The following GLG1 variants were observed in gnomAD, a reference collection of about 807,000 sequenced individuals.
The protein encoded by GLG1 is Golgi apparatus protein 1.
GLG1 carries 38 observed loss-of-function variants against 160.5 expected under a neutral mutation model. The observed-to-expected ratio is 0.24, with a 90% CI of 0.18 to 0.31. GLG1 has a LOEUF of 0.31. Ranked by LOEUF, GLG1 falls within the 10% of genes least tolerant of loss-of-function variation. The probability of loss-of-function intolerance (pLI) is 1.00; values close to 1 mark genes in which losing one functional copy is unlikely to be tolerated. For missense variants in GLG1, 1,373 were observed against 1,505.2 expected (o/e 0.91, Z 1.45); for synonymous variants, 644 against 543.4 (o/e 1.19, Z -2.57).
chr16:74,461,461 C>A (rs1294773761), intron 22 of GLG1: 2 of 141,412 alleles, frequency 1.4e-5, no homozygotes, highest in African/African-American at 5.3e-5. Flanking sequence ...ACCACCTCGC[C>A]CGGGCTTTTT....
At chr16:74,530,759 C>T (rs891236688) in intron 2 of GLG1, among the ~76,000 whole-genome samples, 8 of 151,982 alleles carry the variant, frequency 5.3e-5, no homozygotes, top group African/African-American at 1.9e-4. Flanking sequence ...GCCTCAGCCT[C>T]CCGAGTAGTT....
In GLG1 at chr16:74,493,839, T is replaced by G. The variant is rs535690043; in HGVS notation, c.1051-699A>C. Among the ~76,000 whole-genome samples the G allele has an allele frequency of 2.0e-5, 3 of 152,284 alleles. No individual in the cohort carries two copies. The South Asian group carries it at 6.2e-4, about 32-fold the overall frequency. On this transcript the variant is annotated intron_variant, in intron 6 of 25. Coordinates refer to ENST00000422840, the MANE Select transcript of GLG1 (RefSeq NM_001145667.2). ...CTTGAGGAGGCAGGGCTGGCCTTAGTGTGGTTTTATATAAAATTCTCTGAT... is the reference window on the plus strand; with the variant it reads ...CTTGAGGAGGCAGGGCTGGCCTTAGGGTGGTTTTATATAAAATTCTCTGAT...
chr16:74,529,818 T>G (rs2432592), intron 2 of GLG1, among the ~76,000 whole-genome samples: 1 of 136,350 alleles, frequency 7.3e-6, no homozygotes, highest in African/African-American at 2.8e-5. Flanking sequence ...AGTTCTTTTT[T>G]TTTTTTTTTT....
chr16:74,488,196 A>G (rs1210040746), intron 8 of GLG1, among the ~76,000 whole-genome samples: 2 of 152,096 alleles, frequency 1.3e-5, no homozygotes, highest in African/African-American at 4.8e-5. Context: ...CTAATGGTCA[A>G]CCACAGACAG....
intron 24 of GLG1, 24 bp from the exon 25 acceptor site, chr16:74,456,779 G>T (rs771337758): frequency 1.0e-5 from 14 of 1,334,240 alleles, no homozygotes; most frequent in East Asian, 2.3e-5. Flanking sequence ...TGAATAATAA[G>T]AAGAACCTGA....
intron 12 of GLG1, among the ~76,000 whole-genome samples, chr16:74,476,493 T>C (rs917443427): frequency 6.6e-6 from 1 of 152,188 alleles, no homozygotes; most frequent in Non-Finnish European, 1.5e-5. Context: ...ACGTGTGACT[T>C]TTTCATACTG....
rs763304867 is a variant in GLG1, at chr16:74,508,862, C to A, written c.535G>T (p.Val179Phe). The A allele has an allele frequency of 6.6e-7, 1 of 1,521,506 alleles. No homozygotes were observed. Among genetic ancestry groups the A allele is most frequent in the South Asian group, 1.1e-5 (1 of 89,212 alleles). 94.3% of individuals were successfully genotyped at this position (1,521,506 alleles called of 1,614,324 possible). ...ACCTCTGTTATAGTAGATTTGCAAA[C>A]CTCTCTGGCCACAGATTCAAATTTG... ...DPKFESVAREVCKSTITEIKE... is the reference protein window; with the variant it reads ...DPKFESVAREFCKSTITEIKE... Residue 179 changes from valine (V) to phenylalanine (F), a missense_variant, in exon 3 of 26, where the codon GTT becomes TTT. Val to Phe is a conservative substitution (Grantham distance 50, BLOSUM62 -1). Around this residue, in one of 4 missense-constraint regions of GLG1, gnomAD observed 322 missense variants for 254.6 expected, o/e 1.26. Transcript: ENST00000422840.
At chr16:74,542,681 AAGGG>A (rs2017908632) in intron 1 of GLG1, among the ~76,000 whole-genome samples, 1 of 114,602 alleles carries the variant, frequency 8.7e-6, no homozygotes, top group Non-Finnish European at 1.7e-5. Flanking sequence ...AAAAAAAAAA[AAGGG>A]AAGGGAAGGA....
intron 1 of GLG1, among the ~76,000 whole-genome samples, chr16:74,553,522 G>A (rs2018267327): frequency 6.8e-6 from 1 of 146,642 alleles, no homozygotes; most frequent in African/African-American, 2.5e-5. Context: ...GCCCAGGCTG[G>A]AGTGCAGTGG....
chr16:74,457,639 A>G (rs1010317434), intron 24 of GLG1, among the ~76,000 whole-genome samples: 22 of 152,138 alleles, frequency 1.4e-4, no homozygotes, highest in Non-Finnish European at 2.4e-4. Flanking sequence ...CTGTTCATCA[A>G]ATCTTTAGCT....
At chr16:74,533,420 A>T (rs2911472) in intron 1 of GLG1, among the ~76,000 whole-genome samples, 1 of 152,150 alleles carries the variant, frequency 6.6e-6, no homozygotes, top group Non-Finnish European at 1.5e-5. Flanking sequence ...GCAATACATA[A>T]CTCCTTTAGT....
At chr16:74,527,994 C>G (rs1261909045) in intron 2 of GLG1, among the ~76,000 whole-genome samples, 1 of 150,804 alleles carries the variant, frequency 6.6e-6, no homozygotes, top group Non-Finnish European at 1.5e-5. Context: ...ACACCATTCT[C>G]CTGCCTCAGC....
At chr16:74,469,870 G>A (rs970074407) in intron 16 of GLG1, 115 bp downstream of exon 16, 3 of 725,624 alleles carry the variant, frequency 4.1e-6, no homozygotes, top group Admixed American at 4.0e-5. Flanking sequence ...GATGCGGGAG[G>A]CCTCCAGGGC....
Position 74,485,798 on chromosome 16 carries a change from T to C in GLG1, c.1569A>G (p.Pro523=), listed in dbSNP as rs2015767809. The change falls in exon 9 of 26, where the codon CCA becomes CCG. Residue 523 remains proline, a splice_region_variant and synonymous_variant. Transcript: ENST00000422840. ...TACKHIRSGD[P]MILSCLMEHL... Reference sequence around the variant, plus strand: ...ATACCATGGAGAAGATAACTTACATTGGGTCTCCAGATCTTATATGTTTGC... The same window carrying C: ...ATACCATGGAGAAGATAACTTACATCGGGTCTCCAGATCTTATATGTTTGC... The C allele has an allele frequency of 6.2e-7, 1 of 1,612,244 alleles. No individual in the cohort carries two copies. Among genetic ancestry groups the C allele is most frequent in the Non-Finnish European group, 8.5e-7 (1 of 1,178,926 alleles).
chr16:74,466,066 G>T (rs1008947126), intron 18 of GLG1, among the ~76,000 whole-genome samples: 24 of 152,138 alleles, frequency 1.6e-4, no homozygotes, highest in African/African-American at 5.3e-4. Flanking sequence ...ACACACCCAC[G>T]ATTTCTGGTT....
At chr16:74,549,316 T>C in intron 1 of GLG1, among the ~76,000 whole-genome samples, 1 of 152,146 alleles carries the variant, frequency 6.6e-6, no homozygotes, top group Middle Eastern at 3.2e-3. Context: ...TTTTTTGATA[T>C]GGAGTCTTGC....
chr16:74,564,306 T>C (rs1250494543), intron 1 of GLG1, among the ~76,000 whole-genome samples: 8 of 152,344 alleles, frequency 5.3e-5, no homozygotes, highest in Admixed American at 3.9e-4. Context: ...GGCTGCTTGG[T>C]TGAAATGAGT....
intron 1 of GLG1, among the ~76,000 whole-genome samples, chr16:74,555,940 A>G (rs2018340992): frequency 6.6e-6 from 1 of 151,814 alleles, no homozygotes; most frequent in Non-Finnish European, 1.5e-5. Flanking sequence ...TCTGGGCTCA[A>G]GCAATCCTCC....
chr16:74,488,973 C>T (rs971601331), intron 8 of GLG1, among the ~76,000 whole-genome samples: 3 of 152,148 alleles, frequency 2.0e-5, no homozygotes, highest in Non-Finnish European at 4.4e-5. Context: ...CTTGAAGCCA[C>T]CCTCTAGATT....
Sources: allele counts gnomAD v4.1 joint callset (sites outside exome capture counted in the v4.1 genomes callset), GRCh38; gene constraint gnomAD v4.1.1; regional missense constraint gnomAD v4.1.1; transcripts MANE v1.5; gene names NCBI Gene and HGNC (gene_info 2026-07-23, HGNC 2026-07-21).